The following CAMK1G variants were observed in gnomAD, a reference collection of about 807,000 sequenced individuals.
CAMK1G encodes calcium/calmodulin dependent protein kinase IG, also known as calcium/calmodulin-dependent protein kinase type 1G.
Under a neutral mutation model 54.8 loss-of-function variants are expected in CAMK1G, and 27 were observed. The ratio of observed to expected loss-of-function variants is 0.49; its 90% CI spans 0.36 to 0.68. The LOEUF is 0.68. Among genes scored for constraint, CAMK1G ranks in the 30% least tolerant of loss-of-function variants. The pLI, the probability that CAMK1G is intolerant of heterozygous loss-of-function variation, is 0.00. For synonymous variants in CAMK1G, 238 were observed against 224.9 expected (o/e 1.06, Z -0.52); for missense variants, 512 against 591.0 (o/e 0.87, Z 1.39).
At chr1:209,603,176 A>C (rs762615098) in intron 3 of CAMK1G, 38 bp from the exon 4 acceptor site, 18 of 1,610,530 alleles carry the variant, frequency 1.1e-5, no homozygotes, top group Non-Finnish European at 1.7e-6. Flanking sequence ...GTACAACCTG[A>C]ACCACATACC....
chr1:209,602,503 C>T (rs138418708), intron 3 of CAMK1G, among the ~76,000 whole-genome samples: 1 of 152,224 alleles, frequency 6.6e-6, no homozygotes, highest in Non-Finnish European at 1.5e-5. Flanking sequence ...ACAGGTTGAG[C>T]ATTCCTAATC....
chr1:209,591,098 T>C (rs1385154293), intron 1 of CAMK1G, among the ~76,000 whole-genome samples: 1 of 150,660 alleles, frequency 6.6e-6, no homozygotes, highest in Non-Finnish European at 1.5e-5. Context: ...ACTCTTATAT[T>C]CTATCTTCCT....
chr1:209,610,030 T>A, intron 9 of CAMK1G, 101 bp downstream of exon 9: 1 of 952,736 alleles, frequency 1.0e-6, no homozygotes, highest in South Asian at 1.3e-5. Context: ...CTTGTCCTGA[T>A]CCATTTAATG....
chr1:209,590,361 G>A (rs1304774893), intron 1 of CAMK1G, among the ~76,000 whole-genome samples: 1 of 152,174 alleles, frequency 6.6e-6, no homozygotes, highest in Non-Finnish European at 1.5e-5. Context: ...CAGAGGGGTG[G>A]GAAGGGAAAG....
At chr1:209,612,423 C>G (rs1158532850) in intron 11 of CAMK1G, among the ~76,000 whole-genome samples, 1 of 152,216 alleles carries the variant, frequency 6.6e-6, no homozygotes, top group Non-Finnish European at 1.5e-5. Flanking sequence ...GTCAATGTCT[C>G]TGCTTCTATT....
chr1:209,605,158 T>C (rs1665618072), intron 4 of CAMK1G, among the ~76,000 whole-genome samples: 1 of 152,172 alleles, frequency 6.6e-6, no homozygotes, highest in Admixed American at 6.5e-5. Context: ...CTTTGCTTAA[T>C]TTCTGTGTTA....
chr1:209,602,299 G>A (rs1372280205), intron 3 of CAMK1G, among the ~76,000 whole-genome samples: 1 of 152,098 alleles, frequency 6.6e-6, no homozygotes, highest in African/African-American at 2.4e-5. Flanking sequence ...CATGTCTCAA[G>A]ATATTGCCAA....
At chr1:209,606,875 T>C (rs1242916979) in intron 6 of CAMK1G, among the ~76,000 whole-genome samples, 2 of 152,178 alleles carry the variant, frequency 1.3e-5, no homozygotes, top group African/African-American at 4.8e-5. Context: ...GGATATTGAA[T>C]TTGGGCCTGA....
intron 4 of CAMK1G, 84 bp downstream of exon 4, chr1:209,603,372 G>A: frequency 9.7e-7 from 1 of 1,026,756 alleles, no homozygotes. Context: ...GGTGAGGGAT[G>A]GACAGCAATT....
At chr1:209,585,315 T>A (rs1323641252) in intron 1 of CAMK1G, among the ~76,000 whole-genome samples, 1 of 152,212 alleles carries the variant, frequency 6.6e-6, no homozygotes, top group African/African-American at 2.4e-5. Flanking sequence ...CCTTTCAAGA[T>A]TGTCCGAGCC....
chr1:209,589,067 C>G (rs1358096492), intron 1 of CAMK1G, among the ~76,000 whole-genome samples: 2 of 152,158 alleles, frequency 1.3e-5, no homozygotes, highest in Non-Finnish European at 2.9e-5. Flanking sequence ...CCAAGGGAGG[C>G]AACAAGATAG....
intron 2 of CAMK1G, among the ~76,000 whole-genome samples, chr1:209,598,920 T>C (rs1665452507): frequency 6.6e-6 from 1 of 152,194 alleles, no homozygotes; most frequent in African/African-American, 2.4e-5. Context: ...TTTGGGCAAC[T>C]GGGTTAGTCT....
intron 1 of CAMK1G, among the ~76,000 whole-genome samples, chr1:209,586,059 C>G (rs955390935): frequency 5.3e-5 from 8 of 152,256 alleles, no homozygotes; most frequent in African/African-American, 1.7e-4. Flanking sequence ...CTCAGAGCTT[C>G]CTGACACAGC....
At chr1:209,600,172 A>G in intron 3 of CAMK1G, 61 bp downstream of exon 3, 1 of 1,578,398 alleles carries the variant, frequency 6.3e-7, no homozygotes, top group Non-Finnish European at 8.6e-7. Flanking sequence ...TTCACAAATT[A>G]CCTTCAAAAA....
chr1:209,588,354 A>ATGGAT (rs56898431), intron 1 of CAMK1G, among the ~76,000 whole-genome samples: 4,889 of 147,136 alleles, frequency 0.033, 155 homozygotes, highest in East Asian at 0.12. Context: ...GTGGAGCGGA[A>ATGGAT]TGGATTGGAT....
intron 8 of CAMK1G, 62 bp from the exon 9 acceptor site, chr1:209,609,789 T>C: frequency 6.5e-7 from 1 of 1,539,172 alleles, no homozygotes; most frequent in Non-Finnish European, 9.0e-7. Context: ...AGCCCGGAAG[T>C]GAATTTCCAT....
At chr1:209,585,854 T>C (rs1390032808) in intron 1 of CAMK1G, among the ~76,000 whole-genome samples, 1 of 152,174 alleles carries the variant, frequency 6.6e-6, no homozygotes, top group Non-Finnish European at 1.5e-5. Flanking sequence ...GCAGCATGAA[T>C]GAGGGGAGCG....
intron 7 of CAMK1G, among the ~76,000 whole-genome samples, 161 bp downstream of exon 7, chr1:209,608,094 CACAT>C (rs1395761276): frequency 3.5e-5 from 5 of 142,858 alleles, no homozygotes; most frequent in Non-Finnish European, 4.6e-5. Flanking sequence ...CACACACACA[CACAT>C]ACATGTACAC....
chr1:209,606,432 C>T lies in CAMK1G; in HGVS notation c.548C>T (p.Pro183Leu). Residue 183 changes from proline (P) to leucine (L), a missense_variant, in exon 6 of 13, where the codon CCA (proline) becomes CTA (leucine). Transcript: ENST00000361322. Reference protein sequence around the residue: ...NGIMSTACGTPGYVAPEVLAQ... With the variant: ...NGIMSTACGTLGYVAPEVLAQ... ...ATCATGTCCACTGCCTGTGGGACCC[C>T]AGGCTACGTGGGTAAGTCTGGGAGC... 4.3e-6 allele frequency: 7 copies of T among 1,613,944 alleles called. No homozygotes were observed. The highest frequency in any genetic ancestry group is 5.1e-6 in the Non-Finnish European group (6 of 1,179,898).
Sources: gnomAD v4.1 joint callset for allele counts (sites outside exome capture counted in the v4.1 genomes callset) on GRCh38, gnomAD v4.1.1 for gene constraint, MANE v1.5 for transcripts, NCBI Gene and HGNC (gene_info 2026-07-23, HGNC 2026-07-21) for gene names.